The following OLFM1 variants were observed in gnomAD, a reference collection of about 807,000 sequenced individuals.
OLFM1 encodes noelin.
A neutral mutation model predicts 49.7 loss-of-function variants in OLFM1; 9 were observed. The observed-to-expected ratio is 0.18, with a 90% confidence interval of 0.11 to 0.32. The LOEUF (loss-of-function observed/expected upper bound fraction) is 0.32, where lower values mean the gene tolerates loss of function less well. Ranked by LOEUF, OLFM1 falls within the 10% of genes least tolerant of loss-of-function variation. The pLI is 1.00. For missense variants in OLFM1, 369 were observed against 661.8 expected (o/e 0.56, Z 4.85); for synonymous variants, 240 against 271.8 (o/e 0.88, Z 1.15).
At chr9:135,112,311 C>T (rs1831034340) in intron 5 of OLFM1, among the ~76,000 whole-genome samples, 1 of 152,252 alleles carries the variant, frequency 6.6e-6, no homozygotes, top group Admixed American at 6.5e-5. Flanking sequence ...TCTCTGCTGT[C>T]TAAGGTCCCT....
rs75543408 is a variant in OLFM1 at position 135,120,467 on chromosome 9, C to T, written c.*289C>T. 1,659 of 436,812 alleles carry T rather than the reference C, an allele frequency of 3.8e-3. 37 individuals carry two copies. The East Asian group carries it at 0.044, about 12-fold the overall frequency. 27.1% of individuals were successfully genotyped at this position (436,812 alleles called of 1,614,324 possible). On this transcript the variant is annotated 3_prime_UTR_variant, in exon 6 of 6. Coordinates refer to ENST00000371793, the MANE Select transcript of OLFM1 (RefSeq NM_001282611.2). ...CTGGTCAAACAACATACTAAAGAGG[C>T]GAGGCAATGACTGTTGGCCAGTTCT...
At chr9:135,090,142 C>T in intron 1 of OLFM1, 53 bp from the exon 2 acceptor site, 10 of 1,526,194 alleles carry the variant, frequency 6.6e-6, no homozygotes, top group Middle Eastern at 2.1e-4. Context: ...TACACAACCT[C>T]ATGGTCTCCC....
chr9:135,084,174 G>A (rs540967039), upstream of OLFM1, among the ~76,000 whole-genome samples: 3 of 152,358 alleles, frequency 2.0e-5, no homozygotes, highest in African/African-American at 7.2e-5. The surrounding 1 kb of genome is among the most constrained non-coding windows in gnomAD (Gnocchi z 4.6). Flanking sequence ...TTGAGGCCAG[G>A]TCCTTTCCTT....
At chr9:135,091,852 T>TAGTCACAC (rs1830716950) in intron 2 of OLFM1, among the ~76,000 whole-genome samples, 1 of 53,504 alleles carries the variant, frequency 1.9e-5, no homozygotes, top group Non-Finnish European at 3.7e-5. Context: ...CACTCACACA[T>TAGTCACAC]AGTCACACAC....
intron 4 of OLFM1, among the ~76,000 whole-genome samples, chr9:135,105,163 A>G (rs993674329): frequency 4.6e-5 from 7 of 152,214 alleles, no homozygotes; most frequent in African/African-American, 1.7e-4. Flanking sequence ...GGGAAAGCAC[A>G]TAATTCCTCC....
chr9:135,106,580 G>A (rs931415265), intron 4 of OLFM1, 169 bp from the exon 5 acceptor site: 2 of 592,690 alleles, frequency 3.4e-6, no homozygotes, highest in Non-Finnish European at 6.0e-6. Context: ...GAGTGGGGGA[G>A]TTGTCTGTGA....
At chr9:135,085,503 C>G (rs1356761271), upstream of OLFM1, among the ~76,000 whole-genome samples, 1 of 152,258 alleles carries the variant, frequency 6.6e-6, no homozygotes, top group African/African-American at 2.4e-5. Context: ...TCAATGCCAC[C>G]ACACCATGCA....
chr9:135,086,209 G>C (rs1305124698), upstream of OLFM1, among the ~76,000 whole-genome samples: 1 of 152,228 alleles, frequency 6.6e-6, no homozygotes, highest in Non-Finnish European at 1.5e-5. Flanking sequence ...TGTGAGCCGG[G>C]CCTGCAGTCC....
intron 1 of OLFM1, chr9:135,077,400 CTT>C (rs1319443157): frequency 6.2e-6 from 5 of 807,548 alleles, no homozygotes; most frequent in Non-Finnish European, 8.6e-6. Flanking sequence ...AAGTTCTCCT[CTT>C]TGTGTCTTTT....
At chr9:135,106,945 C>T (rs1298603414) in intron 5 of OLFM1, 90 bp downstream of exon 5, 15 of 1,051,122 alleles carry the variant, frequency 1.4e-5, no homozygotes, top group Non-Finnish European at 1.8e-5. Flanking sequence ...AAGCCACGCC[C>T]ACCCTCCAGG....
At chr9:135,075,777 T>G (rs1245225264) in exon 1 of OLFM1, 1 of 1,607,062 alleles carries the variant, frequency 6.2e-7, no homozygotes. Context: ...CTCTTCCTCA[T>G]CCTGATGGGC....
Position 135,088,865 on chromosome 9 carries a change from G to T in OLFM1, c.150+726G>T, listed in dbSNP as rs560174130. 6.6e-6 allele frequency among the ~76,000 whole-genome samples: 1 copy of T among 152,140 alleles called. No homozygotes were observed. The highest frequency in any genetic ancestry group is 2.4e-5 in the African/African-American group (1 of 41,442). On this transcript the variant is annotated intron_variant, in intron 1 of 5. Coordinates refer to ENST00000371793, the MANE Select transcript of OLFM1 (RefSeq NM_001282611.2). The surrounding 1 kb of genome is among the most constrained non-coding windows in gnomAD (Gnocchi z 4.8). ...TCCTGGCCTCTGAAATTGAAATCGC[G>T]TCTCCCTCTCGAGCCTAGCGGGAGG...
intron 5 of OLFM1, among the ~76,000 whole-genome samples, chr9:135,112,332 G>A (rs1031992284): frequency 3.3e-5 from 5 of 152,238 alleles, no homozygotes; most frequent in Non-Finnish European, 4.4e-5. Context: ...GTTCCCTCCA[G>A]GCTGCACTGG....
intron 4 of OLFM1, among the ~76,000 whole-genome samples, chr9:135,100,560 G>A (rs759682409): frequency 3.9e-5 from 6 of 152,202 alleles, no homozygotes; most frequent in African/African-American, 7.2e-5. Flanking sequence ...GAATCAGAGC[G>A]TCTGCAGGTG....
intron 2 of OLFM1, among the ~76,000 whole-genome samples, chr9:135,090,752 C>T (rs1045692933): frequency 6.6e-6 from 1 of 152,128 alleles, no homozygotes. Context: ...TGTCACCCAG[C>T]AGCTACCTTG....
chr9:135,079,604 CA>C (rs1053739657), intron 1 of OLFM1, among the ~76,000 whole-genome samples: 1 of 151,170 alleles, frequency 6.6e-6, no homozygotes, highest in Admixed American at 6.6e-5. Context: ...GATTCTGTCT[CA>C]AAAAAAAGAA....
In OLFM1 at chr9:135,089,825, G is replaced by A. The variant is rs117045022; in HGVS notation, c.151-370G>A. ...ACGTGCCCGCTGCAAGCCACCCAGC[G>A]TTTGCTTTCCTGCCTTGCTCCTAGT... On this transcript the variant is annotated intron_variant, in intron 1 of 5. Coordinates refer to ENST00000371793, the MANE Select transcript of OLFM1 (RefSeq NM_001282611.2). Among the ~76,000 whole-genome samples the A allele has an allele frequency of 8.1e-3, 1,226 of 152,266 alleles. 14 individuals carry two copies. Among genetic ancestry groups the A allele is most frequent in the Non-Finnish European group, 0.012 (849 of 68,008 alleles).
chr9:135,077,187 G>A (rs981843156), intron 1 of OLFM1: 5 of 1,538,296 alleles, frequency 3.3e-6, no homozygotes, highest in Non-Finnish European at 3.5e-6. Context: ...CAGGGGAGCA[G>A]ATACCTGCAG....
At chr9:135,091,912 CAT>C (rs1491572385) in intron 2 of OLFM1, among the ~76,000 whole-genome samples, 2,087 of 150,874 alleles carry the variant, frequency 0.014, 23 homozygotes, top group Middle Eastern at 0.027. Context: ...CACACACACA[CAT>C]AGTCACACAC....
Sources: gnomAD v4.1 joint callset for allele counts (sites outside exome capture counted in the v4.1 genomes callset) on GRCh38, gnomAD v4.1.1 for gene constraint, Gnocchi (gnomAD v3.1) non-coding constraint, MANE v1.5 for transcripts, NCBI Gene and HGNC (gene_info 2026-07-23, HGNC 2026-07-21) for gene names.